Variants in CADPS observed in about 807,000 individuals in gnomAD.
CADPS encodes calcium dependent secretion activator.
A neutral mutation model predicts 167.3 loss-of-function variants in CADPS; 57 were observed. The ratio of observed to expected loss-of-function variants is 0.34; its 90% CI spans 0.28 to 0.42. The LOEUF is 0.42. Among genes scored for constraint, CADPS ranks in the 20% least tolerant of loss-of-function variants. The pLI, the probability that CADPS is intolerant of heterozygous loss-of-function variation, is 1.00. For missense variants in CADPS, 1,414 were observed against 1,738.1 expected, an observed-to-expected ratio of 0.81 and a Z score of 3.32; for synonymous variants, 676 against 635.3, an observed-to-expected ratio of 1.06 and a Z score of -0.96.
chr3:62,780,103 G>T (rs2091272663), intron 1 of CADPS, among the ~76,000 whole-genome samples: 1 of 152,000 alleles, frequency 6.6e-6, no homozygotes, highest in Non-Finnish European at 1.5e-5. Flanking sequence ...AAACTCCTGG[G>T]CTCAGGCAAT....
chr3:62,645,953 T>C (rs1174270128), intron 5 of CADPS, 110 bp from the exon 6 acceptor site: 3 of 1,237,318 alleles, frequency 2.4e-6, no homozygotes, highest in African/African-American at 1.5e-5. Flanking sequence ...AGGTATCTGA[T>C]GGCTTCTGTT....
chr3:62,420,623 C>T lies in CADPS; in HGVS notation c.3778-17438G>A, dbSNP rs1304314489. On this transcript the variant is annotated intron_variant, in intron 28 of 29. Coordinates refer to ENST00000383710, the MANE Select transcript of CADPS (RefSeq NM_003716.4). This position sits in a 1 kb window ranked among gnomAD's most constrained non-coding sequence, Gnocchi z 4.1. Reference sequence around the variant, plus strand: ...ATATTTGGGTGTCCATAGCAACTGCCCAATTAAGGGAGTCTAGAAAACAGG... The same window carrying T: ...ATATTTGGGTGTCCATAGCAACTGCTCAATTAAGGGAGTCTAGAAAACAGG... Among the ~76,000 whole-genome samples the T allele has an allele frequency of 6.6e-6, 1 of 152,014 alleles. No homozygotes were observed. The highest frequency in any genetic ancestry group is 2.4e-5 in the African/African-American group (1 of 41,382).
intron 8 of CADPS, among the ~76,000 whole-genome samples, chr3:62,577,435 A>G (rs1326872803): frequency 1.3e-5 from 2 of 152,164 alleles, no homozygotes; most frequent in Non-Finnish European, 2.9e-5. Flanking sequence ...TGAGACAAGA[A>G]CCATGATTCC....
At chr3:62,553,481 G>GT (rs1168385852) in intron 10 of CADPS, among the ~76,000 whole-genome samples, 2 of 152,218 alleles carry the variant, frequency 1.3e-5, no homozygotes, top group Non-Finnish European at 2.9e-5. Flanking sequence ...GACCTTGGCT[G>GT]TTTGTCTCCA....
At chr3:62,524,822 G>C (rs1306846145) in intron 13 of CADPS, among the ~76,000 whole-genome samples, 1 of 152,128 alleles carries the variant, frequency 6.6e-6, no homozygotes, top group Admixed American at 6.6e-5. Flanking sequence ...TGTATAAAAT[G>C]CAGGAAAGCA....
At chr3:62,627,310 C>T (rs1472829150) in intron 6 of CADPS, among the ~76,000 whole-genome samples, 1 of 152,028 alleles carries the variant, frequency 6.6e-6, no homozygotes, top group Non-Finnish European at 1.5e-5. Context: ...AAAAATAAAT[C>T]TCTCTTTTTA....
At chr3:62,656,944 TATTG>T (rs2071772594) in intron 4 of CADPS, among the ~76,000 whole-genome samples, 1 of 152,138 alleles carries the variant, frequency 6.6e-6, no homozygotes, top group Non-Finnish European at 1.5e-5. Flanking sequence ...GATTTTTAGC[TATTG>T]ACAAAGGCCA....
chr3:62,411,973 G>A (rs1318424619), intron 28 of CADPS, among the ~76,000 whole-genome samples: 2 of 152,132 alleles, frequency 1.3e-5, no homozygotes, highest in Non-Finnish European at 2.9e-5. Flanking sequence ...TCTTAGAAAT[G>A]GGTATTTCCC....
chr3:62,793,879 G>A (rs985134624), intron 1 of CADPS, among the ~76,000 whole-genome samples: 1 of 152,130 alleles, frequency 6.6e-6, no homozygotes, highest in Non-Finnish European at 1.5e-5. Flanking sequence ...CCCTAGAAGA[G>A]AAAGAGTTCC....
Position 62,601,396 on chromosome 3 carries a change from A to C in CADPS, c.1326-8648T>G, listed in dbSNP as rs2059945241. 6.6e-6 allele frequency among the ~76,000 whole-genome samples: 1 copy of C among 152,218 alleles called. No homozygotes were observed. The highest frequency in any genetic ancestry group is 1.5e-5 in the Non-Finnish European group (1 of 68,042). On this transcript the variant is annotated intron_variant, in intron 6 of 29. Transcript: ENST00000383710. The surrounding 1 kb of genome is among the most constrained non-coding windows in gnomAD (Gnocchi z 4.3). ...TTTTTACTTTCTGGTCCTTTATAGA[A>C]AAAGTTTGCCGATCTCTGTTACAAA... is the stretch of plus-strand genomic sequence containing the variant.
chr3:62,709,838 C>T (rs567534535), intron 3 of CADPS, among the ~76,000 whole-genome samples: 3 of 151,776 alleles, frequency 2.0e-5, no homozygotes, highest in Non-Finnish European at 4.4e-5. Flanking sequence ...GGTGTAATCT[C>T]GGCTCACTGC....
At chr3:62,529,251 T>G (rs1457085878) in intron 13 of CADPS, among the ~76,000 whole-genome samples, 1 of 152,194 alleles carries the variant, frequency 6.6e-6, no homozygotes, top group African/African-American at 2.4e-5. Context: ...ATTAAAAAAA[T>G]GCAATGCAAA....
chr3:62,655,256 C>G (rs1377827529), intron 4 of CADPS, among the ~76,000 whole-genome samples: 1 of 152,072 alleles, frequency 6.6e-6, no homozygotes, highest in East Asian at 1.9e-4. Flanking sequence ...AGTGGCAGAC[C>G]CATTGCAAAC....
intron 1 of CADPS, among the ~76,000 whole-genome samples, chr3:62,806,161 G>A (rs2094081403): frequency 6.6e-6 from 1 of 152,128 alleles, no homozygotes; most frequent in African/African-American, 2.4e-5. Flanking sequence ...TAAAGGATGA[G>A]AGCCTAACCC....
At chr3:62,423,628 G>C (rs1043020833) in intron 28 of CADPS, among the ~76,000 whole-genome samples, 1 of 152,200 alleles carries the variant, frequency 6.6e-6, no homozygotes, top group Non-Finnish European at 1.5e-5. Flanking sequence ...TGAATTTGCC[G>C]AAGTCAGTTT....
At chr3:62,452,176 C>T (rs1282655017) in intron 26 of CADPS, among the ~76,000 whole-genome samples, 1 of 152,102 alleles carries the variant, frequency 6.6e-6, no homozygotes, top group Non-Finnish European at 1.5e-5. Context: ...AAGAAAGTAC[C>T]ACTAGGCATG....
At position 62,662,398 on chromosome 3, in the gene CADPS, C is replaced by T; in HGVS notation, c.889-4G>A. ...CTTGCTCATCTGGATTGTCCAGCTG[C>T]ACAAAAGCACAGACATTGAGACTTT... is the stretch of plus-strand genomic sequence containing the variant. On this transcript the variant is annotated splice_polypyrimidine_tract_variant and splice_region_variant and intron_variant, in intron 3 of 29. Coordinates refer to ENST00000383710, the MANE Select transcript of CADPS (RefSeq NM_003716.4). The T allele has an allele frequency of 6.2e-7, 1 of 1,613,558 alleles. No homozygotes were observed. Among genetic ancestry groups the T allele is most frequent in the Non-Finnish European group, 8.5e-7 (1 of 1,179,614 alleles).
At chr3:62,552,149 G>A (rs1024275748) in intron 10 of CADPS, among the ~76,000 whole-genome samples, 6 of 146,534 alleles carry the variant, frequency 4.1e-5, no homozygotes, top group African/African-American at 1.5e-4. Flanking sequence ...AGAAGTGCAT[G>A]TTCTCACTCA....
intron 1 of CADPS, among the ~76,000 whole-genome samples, chr3:62,825,876 A>T (rs2073948232): frequency 6.6e-6 from 1 of 152,130 alleles, no homozygotes; most frequent in Non-Finnish European, 1.5e-5. Context: ...ATTCATTCTG[A>T]GACACGGAAT....
Sources: allele counts gnomAD v4.1 joint callset (sites outside exome capture counted in the v4.1 genomes callset), GRCh38; gene constraint gnomAD v4.1.1; non-coding constraint Gnocchi (gnomAD v3.1); transcripts MANE v1.5; gene names NCBI Gene and HGNC (gene_info 2026-07-23, HGNC 2026-07-21).